ZNF804B: variants seen among roughly 807,000 people sequenced by gnomAD.
ZNF804B encodes zinc finger 804B.
Under a neutral mutation model 101.4 loss-of-function variants are expected in ZNF804B, and 80 were observed. The observed-to-expected ratio is 0.79, with a 90% confidence interval of 0.66 to 0.95. ZNF804B has a LOEUF of 0.95. Ranked by LOEUF, ZNF804B falls within the 40% of genes least tolerant of loss-of-function variation. The pLI, the probability that ZNF804B is intolerant of heterozygous loss-of-function variation, is 0.00. For missense variants in ZNF804B, 1,673 were observed against 1,561.9 expected (o/e 1.07, Z -1.20); for synonymous variants, 622 against 558.8 (o/e 1.11, Z -1.59).
chr7:88,760,174 A>G (rs935938025), intron 1 of ZNF804B, 90 bp downstream of exon 1: 13 of 1,078,996 alleles, frequency 1.2e-5, no homozygotes, highest in Non-Finnish European at 1.8e-5. Context: ...TGATACAATG[A>G]GTAGGTGGTG....
chr7:89,035,685 T>A (rs573096211), intron 1 of ZNF804B, among the ~76,000 whole-genome samples: 3 of 151,598 alleles, frequency 2.0e-5, no homozygotes, highest in Non-Finnish European at 4.4e-5. Context: ...TTAGATGGCA[T>A]GATCCTATTT....
chr7:89,258,918 G>A (rs554300512), intron 2 of ZNF804B, among the ~76,000 whole-genome samples: 22 of 152,158 alleles, frequency 1.4e-4, no homozygotes, highest in Middle Eastern at 3.4e-3. Context: ...TGGAAGAGGA[G>A]GCAGGAGAGG....
chr7:89,171,353 T>TTCTTCTTCTTCCTCC (rs1791228725), intron 1 of ZNF804B, among the ~76,000 whole-genome samples: 3 of 94,870 alleles, frequency 3.2e-5, no homozygotes, highest in African/African-American at 7.9e-5. Flanking sequence ...CTTCTTCTTC[T>TTCTTCTTCTTCCTCC]TCTTCCTCCT....
At chr7:89,119,594 G>C (rs1051599737) in intron 1 of ZNF804B, among the ~76,000 whole-genome samples, 35 of 152,044 alleles carry the variant, frequency 2.3e-4, no homozygotes, top group African/African-American at 7.7e-4. Flanking sequence ...ATATGCTTTT[G>C]TATGTCTTTT....
intron 1 of ZNF804B, among the ~76,000 whole-genome samples, chr7:88,820,535 G>T (rs1790961052): frequency 6.6e-6 from 1 of 152,164 alleles, no homozygotes; most frequent in Admixed American, 6.5e-5. Context: ...ATGGGGACTT[G>T]ATCTGAATTC....
intron 2 of ZNF804B, among the ~76,000 whole-genome samples, chr7:89,321,164 G>GAAT (rs1382557721): frequency 6.7e-6 from 1 of 149,182 alleles, no homozygotes; most frequent in Non-Finnish European, 1.5e-5. Context: ...TCATATTATA[G>GAAT]AATTTTAACA....
At chr7:89,274,421 T>G (rs1053787099) in intron 2 of ZNF804B, among the ~76,000 whole-genome samples, 2 of 145,696 alleles carry the variant, frequency 1.4e-5, no homozygotes, top group African/African-American at 5.2e-5. Context: ...TTTGGTTTTT[T>G]GTTCTTGTGA....
chr7:89,174,148 C>T (rs1170672984), intron 1 of ZNF804B, among the ~76,000 whole-genome samples: 1 of 152,020 alleles, frequency 6.6e-6, no homozygotes, highest in East Asian at 1.9e-4. Context: ...TGAATGTACA[C>T]AACTTTTTGT....
At chr7:89,244,560 G>A (rs1046013298) in intron 2 of ZNF804B, among the ~76,000 whole-genome samples, 1 of 152,100 alleles carries the variant, frequency 6.6e-6, no homozygotes, top group Admixed American at 6.6e-5. Flanking sequence ...GTAACTCTGA[G>A]TGAAAAGTGA....
At chr7:88,840,230 T>A (rs1791275337) in intron 1 of ZNF804B, among the ~76,000 whole-genome samples, 1 of 152,196 alleles carries the variant, frequency 6.6e-6, no homozygotes, top group African/African-American at 2.4e-5. Context: ...AGCTATGCTC[T>A]GACCTCATCA....
intron 1 of ZNF804B, among the ~76,000 whole-genome samples, chr7:88,962,522 T>C (rs1584041288): frequency 6.6e-6 from 1 of 150,894 alleles, no homozygotes; most frequent in East Asian, 2.0e-4. Context: ...TGCGAATCGA[T>C]AATTAGAAGG....
At chr7:89,042,722 T>G (rs1186279964) in intron 1 of ZNF804B, among the ~76,000 whole-genome samples, 12 of 152,222 alleles carry the variant, frequency 7.9e-5, no homozygotes, top group Non-Finnish European at 8.8e-5. Context: ...CCTTGAATTC[T>G]TCATCTTATC....
At chr7:89,313,923 G>C (rs745373726) in intron 2 of ZNF804B, among the ~76,000 whole-genome samples, 46 of 151,812 alleles carry the variant, frequency 3.0e-4, no homozygotes, top group Non-Finnish European at 5.7e-4. Flanking sequence ...CTGCTTTGTC[G>C]TTTCTCTTTA....
At chr7:88,848,772 G>C (rs1201727653) in intron 1 of ZNF804B, among the ~76,000 whole-genome samples, 1 of 151,994 alleles carries the variant, frequency 6.6e-6, no homozygotes, top group Non-Finnish European at 1.5e-5. Flanking sequence ...TAAAAATGGT[G>C]ACACAAATAG....
intron 1 of ZNF804B, among the ~76,000 whole-genome samples, chr7:88,910,011 A>C (rs1792525812): frequency 1.3e-5 from 2 of 151,828 alleles, no homozygotes. Flanking sequence ...GCTTACTTCT[A>C]ACTTAGAACA....
At chr7:88,944,508 C>T (rs901974183) in intron 1 of ZNF804B, among the ~76,000 whole-genome samples, 1 of 151,592 alleles carries the variant, frequency 6.6e-6, no homozygotes, top group African/African-American at 2.4e-5. Flanking sequence ...TACACACATA[C>T]ATATGTAGCC....
intron 1 of ZNF804B, among the ~76,000 whole-genome samples, chr7:88,968,549 C>T (rs1351262729): frequency 1.3e-5 from 2 of 151,580 alleles, no homozygotes; most frequent in Non-Finnish European, 3.0e-5. Flanking sequence ...TGTGTTGAGA[C>T]TGATATGGTG....
intron 1 of ZNF804B, among the ~76,000 whole-genome samples, chr7:88,828,042 A>AT (rs1283842487): frequency 1.3e-5 from 2 of 152,098 alleles, no homozygotes; most frequent in African/African-American, 4.8e-5. Context: ...AAATGTGATC[A>AT]TACCTTTTCT....
At chr7:88,876,292 C>T (rs556646640) in intron 1 of ZNF804B, among the ~76,000 whole-genome samples, 1 of 152,280 alleles carries the variant, frequency 6.6e-6, no homozygotes, top group Non-Finnish European at 1.5e-5. Context: ...TCTTTCCTAT[C>T]ACATTAGATC....
Sources: allele counts gnomAD v4.1 joint callset (sites outside exome capture counted in the v4.1 genomes callset), GRCh38; gene constraint gnomAD v4.1.1; transcripts MANE v1.5; gene names NCBI Gene and HGNC (gene_info 2026-07-23, HGNC 2026-07-21).